The following CTNND2 variants were observed in gnomAD, a reference collection of about 807,000 sequenced individuals.
CTNND2 encodes the protein catenin delta-2.
In CTNND2, 22 loss-of-function variants were observed where a neutral mutation model predicts 144.4. That is an observed-to-expected ratio of 0.15 (90% CI 0.11 to 0.22). The LOEUF is 0.22. Ranked by LOEUF, CTNND2 falls within the 10% of genes least tolerant of loss-of-function variation. The probability of loss-of-function intolerance (pLI) is 1.00; values close to 1 mark genes in which losing one functional copy is unlikely to be tolerated. For missense variants in CTNND2, 1,353 were observed against 1,618.8 expected, an observed-to-expected ratio of 0.84 and a Z score of 2.82; for synonymous variants, 751 against 695.6, an observed-to-expected ratio of 1.08 and a Z score of -1.25.
chr5:11,786,021 TGG>T (rs59044113), intron 1 of CTNND2, among the ~76,000 whole-genome samples: 13,866 of 152,208 alleles, frequency 0.091, 1,726 homozygotes, highest in African/African-American at 0.28. Flanking sequence ...CAGCATTTCC[TGG>T]GTGCCCAGAC....
intron 9 of CTNND2, among the ~76,000 whole-genome samples, chr5:11,241,362 A>C (rs1216474296): frequency 6.6e-6 from 1 of 152,222 alleles, no homozygotes. Context: ...AAAGGGAGTG[A>C]AGGAGAAAAA....
At chr5:11,291,328 C>G (rs1380047794) in intron 9 of CTNND2, among the ~76,000 whole-genome samples, 3 of 152,040 alleles carry the variant, frequency 2.0e-5, no homozygotes, top group Non-Finnish European at 4.4e-5. Context: ...TCTGAATTTC[C>G]TTCTCACTGT....
chr5:10,988,351 C>G lies in CTNND2; in HGVS notation c.3212-109G>C. 1 of 1,327,070 alleles carries G rather than the reference C, an allele frequency of 7.5e-7. No individual in the cohort carries two copies. The highest frequency in any genetic ancestry group is 1.0e-6 in the Non-Finnish European group (1 of 956,416). 82.2% of individuals were successfully genotyped at this position (1,327,070 alleles called of 1,614,324 possible). A position where few individuals can be genotyped will look rare whatever the true frequency, so the allele number is the denominator to read the frequency against. ...GCATGGTCCCGCATCTCAATGCCTA[C>G]GTGAGGACCTGATGGGTTTTCTTTT... On this transcript the variant is annotated intron_variant, in intron 19 of 21. Transcript: ENST00000304623. The surrounding 1 kb of genome is among the most constrained non-coding windows in gnomAD (Gnocchi z 5.9).
At chr5:11,642,663 G>A (rs1018673754) in intron 2 of CTNND2, among the ~76,000 whole-genome samples, 9 of 152,190 alleles carry the variant, frequency 5.9e-5, no homozygotes, top group Admixed American at 1.3e-4. Context: ...CAAATGTGAC[G>A]TTGGGGCCAC....
chr5:11,668,192 G>A (rs1783679623), intron 2 of CTNND2, among the ~76,000 whole-genome samples: 1 of 152,184 alleles, frequency 6.6e-6, no homozygotes, highest in Non-Finnish European at 1.5e-5. Flanking sequence ...TTGAAGTCAG[G>A]TAGCATGATG....
intron 2 of CTNND2, among the ~76,000 whole-genome samples, chr5:11,615,324 A>G (rs1393491342): frequency 6.6e-6 from 1 of 152,242 alleles, no homozygotes; most frequent in East Asian, 1.9e-4. Context: ...GACAATATTC[A>G]TAATTATTTG....
intron 3 of CTNND2, among the ~76,000 whole-genome samples, chr5:11,551,745 C>A (rs1402248550): frequency 2.0e-5 from 3 of 152,046 alleles, no homozygotes; most frequent in African/African-American, 7.2e-5. Flanking sequence ...ATTACAGGCA[C>A]CCGCCTCCAC....
intron 2 of CTNND2, among the ~76,000 whole-genome samples, chr5:11,565,290 TA>T (rs1298475574): frequency 6.6e-6 from 1 of 152,236 alleles, no homozygotes; most frequent in African/African-American, 2.4e-5. Flanking sequence ...AAAACAGACT[TA>T]AATACTTATT....
intron 1 of CTNND2, among the ~76,000 whole-genome samples, chr5:11,833,792 G>A (rs993317598): frequency 3.9e-5 from 6 of 152,102 alleles, no homozygotes; most frequent in African/African-American, 1.4e-4. Context: ...CCAAAGTCCT[G>A]GGATTACAGG....
At chr5:11,377,236 TA>T (rs1223064117) in intron 7 of CTNND2, among the ~76,000 whole-genome samples, 9 of 152,096 alleles carry the variant, frequency 5.9e-5, no homozygotes, top group African/African-American at 2.2e-4. Flanking sequence ...TTGTATTTTT[TA>T]GTAGAGACAG....
Position 11,707,649 on chromosome 5 carries a change from A to C in CTNND2, c.174+24487T>G, listed in dbSNP as rs1364307157. Among the ~76,000 whole-genome samples, 3 of 152,344 alleles carry C rather than the reference A, an allele frequency of 2.0e-5. No individual in the cohort carries two copies. In the South Asian group the frequency reaches 6.2e-4, roughly 32 times the overall value. On this transcript the variant is annotated intron_variant, in intron 2 of 21. Transcript: ENST00000304623. ...TGCCACAGTACATATTAAATGCTAA[A>C]TTTTCAACTATTTTTTAGAGTAAAC... is the stretch of plus-strand genomic sequence containing the variant.
intron 9 of CTNND2, among the ~76,000 whole-genome samples, chr5:11,270,471 TAAAA>T (rs34326518): frequency 6.9e-6 from 1 of 144,452 alleles, no homozygotes; most frequent in Admixed American, 6.9e-5. Flanking sequence ...AACAATGTGG[TAAAA>T]AAAAAAAAAA....
rs995344114 is a variant in CTNND2, at chr5:11,381,159, C to T, written c.1177+3506G>A. 5.9e-5 allele frequency among the ~76,000 whole-genome samples: 9 copies of T among 152,248 alleles called. No homozygotes were observed. The East Asian group carries it at 1.4e-3, about 23-fold the overall frequency. On this transcript the variant is annotated intron_variant, in intron 7 of 21. Transcript: ENST00000304623. ...AGAACTATAATACCCACTTCCATAA[C>T]GTCCAATGCTTCCATCTTAACCCAA...
chr5:11,675,083 C>T (rs1784104586), intron 2 of CTNND2, among the ~76,000 whole-genome samples: 1 of 151,866 alleles, frequency 6.6e-6, no homozygotes, highest in Non-Finnish European at 1.5e-5. Flanking sequence ...TTTGAGGTGC[C>T]TAAAATATTT....
At chr5:11,629,227 G>C (rs1781301490) in intron 2 of CTNND2, among the ~76,000 whole-genome samples, 1 of 152,016 alleles carries the variant, frequency 6.6e-6, no homozygotes, top group Admixed American at 6.6e-5. Context: ...CTGACCATTA[G>C]CCTTGTTGCC....
chr5:11,394,207 A>C (rs1315909777), intron 6 of CTNND2, among the ~76,000 whole-genome samples: 1 of 152,064 alleles, frequency 6.6e-6, no homozygotes, highest in East Asian at 1.9e-4. Context: ...CAATTTACTT[A>C]TTTGCTGTGT....
At chr5:11,191,184 A>G (rs939014620) in intron 11 of CTNND2, among the ~76,000 whole-genome samples, 1 of 152,194 alleles carries the variant, frequency 6.6e-6, no homozygotes, top group Admixed American at 6.5e-5. Flanking sequence ...GGTTCCCCCA[A>G]TGGCAAGAGC....
chr5:10,983,662 C>T (rs552487377), intron 20 of CTNND2, among the ~76,000 whole-genome samples: 1 of 152,274 alleles, frequency 6.6e-6, no homozygotes, highest in South Asian at 2.1e-4. Flanking sequence ...CTCTCTGGAC[C>T]ATTGCTACCA....
chr5:11,684,346 C>G (rs960705516), intron 2 of CTNND2, among the ~76,000 whole-genome samples: 1 of 152,242 alleles, frequency 6.6e-6, no homozygotes, highest in South Asian at 2.1e-4. Context: ...TCATGATCCA[C>G]CCGCCTCGGC....
Sources: gnomAD v4.1 joint callset for allele counts (sites outside exome capture counted in the v4.1 genomes callset) on GRCh38, gnomAD v4.1.1 for gene constraint, Gnocchi (gnomAD v3.1) non-coding constraint, MANE v1.5 for transcripts, NCBI Gene and HGNC (gene_info 2026-07-23, HGNC 2026-07-21) for gene names.